Variants in CNNM1 observed in about 807,000 individuals in gnomAD.
The protein encoded by CNNM1 is metal transporter CNNM1.
A neutral mutation model predicts 78.8 loss-of-function variants in CNNM1; 44 were observed. That is an observed-to-expected ratio of 0.56 (90% confidence interval 0.44 to 0.72). The LOEUF is 0.72. CNNM1 is among the 30% of genes least tolerant of loss of function. CNNM1 has a pLI of 0.00. For missense variants in CNNM1, 1,101 were observed against 1,292.2 expected, an observed-to-expected ratio of 0.85 and a Z score of 2.27; for synonymous variants, 584 against 581.5, an observed-to-expected ratio of 1.00 and a Z score of -0.06.
intron 1 of CNNM1, among the ~76,000 whole-genome samples, chr10:99,343,768 G>C (rs1175557584): frequency 1.3e-5 from 2 of 152,012 alleles, no homozygotes; most frequent in Non-Finnish European, 2.9e-5. Context: ...AGGCTGGAGT[G>C]CCTTGGCATG....
chr10:99,374,351 C>G (rs935925523), intron 6 of CNNM1, among the ~76,000 whole-genome samples: 5 of 152,200 alleles, frequency 3.3e-5, no homozygotes, highest in African/African-American at 1.2e-4. Context: ...TTCAGGACCC[C>G]TTGTTTCACA....
At chr10:99,348,446 A>C (rs1270918103) in intron 1 of CNNM1, among the ~76,000 whole-genome samples, 1 of 152,234 alleles carries the variant, frequency 6.6e-6, no homozygotes, top group Non-Finnish European at 1.5e-5. Flanking sequence ...CATTGTGCTC[A>C]TTGCTGCATT....
rs910119956 is a variant in CNNM1 at position 99,356,605 on chromosome 10, A to G, written c.1574-907A>G. ...GAAAGAAAGAAAGAAAGAAAGAAAG[A>G]AAAGAAAGAAAGAAAGAAAAGAAAA... is the stretch of plus-strand genomic sequence containing the variant. On this transcript the variant is annotated intron_variant, in intron 1 of 10. Transcript: ENST00000356713. Among the ~76,000 whole-genome samples, 6 of 56,396 alleles carry G rather than the reference A, an allele frequency of 1.1e-4. No individual in the cohort carries two copies. In the South Asian group the frequency reaches 2.8e-3, roughly 26 times the overall value. The allele number at this position is 56,396 out of a possible 152,430, so 37.0% of individuals were successfully genotyped here.
intron 1 of CNNM1, among the ~76,000 whole-genome samples, chr10:99,345,781 C>T (rs1406856626): frequency 6.6e-6 from 1 of 152,186 alleles, no homozygotes; most frequent in Non-Finnish European, 1.5e-5. Flanking sequence ...AACCAGGGCT[C>T]AATTTTGGCT....
intron 2 of CNNM1, among the ~76,000 whole-genome samples, chr10:99,359,837 A>G (rs758011861): frequency 2.0e-5 from 3 of 151,376 alleles, no homozygotes; most frequent in Non-Finnish European, 4.4e-5. Flanking sequence ...CCCTTAGTGC[A>G]GGTAAGATGG....
At chr10:99,361,384 T>TTAG (rs2031428526) in intron 3 of CNNM1, among the ~76,000 whole-genome samples, 1 of 152,158 alleles carries the variant, frequency 6.6e-6, no homozygotes. Flanking sequence ...CTTGGGATCT[T>TTAG]TAGAAAGAAA....
chr10:99,385,652 T>A (rs1429502036), intron 7 of CNNM1, among the ~76,000 whole-genome samples: 3 of 152,236 alleles, frequency 2.0e-5, no homozygotes, highest in African/African-American at 7.2e-5. Flanking sequence ...ACTCATGTTA[T>A]CTCATTATCT....
At position 99,329,706 on chromosome 10, in the gene CNNM1, G is replaced by A; in HGVS notation, c.319G>A (p.Val107Met). ...CACCGGCGACTGGGCTCCGCGGCTC[G>A]TGTTCATCGAGGAGCCCCCGGGCGG... is the stretch of plus-strand genomic sequence containing the variant. Reference protein sequence around the residue: ...NGTGDWAPRLVFIEEPPGGGG... With the variant: ...NGTGDWAPRLMFIEEPPGGGG... Residue 107 changes from valine (V) to methionine (M), a missense_variant, in exon 1 of 11, where the codon GTG becomes ATG. By Grantham distance (21) the Val-to-Met change is conservative. Around this residue, in one of 3 missense-constraint regions of CNNM1, gnomAD observed 476 missense variants for 484.5 expected, o/e 0.98. Coordinates refer to ENST00000356713, the MANE Select transcript of CNNM1 (RefSeq NM_020348.3). 1 of 1,542,248 alleles carries A rather than the reference G, an allele frequency of 6.5e-7. No individual in the cohort carries two copies.
rs769091204 is a variant in CNNM1, at chr10:99,329,726, G to A, written c.339G>A (p.Pro113=). The A allele has an allele frequency of 4.6e-6, 7 of 1,518,320 alleles. No homozygotes were observed. The African/African-American group carries it at 5.7e-5, about 12-fold the overall frequency. The allele number at this position is 1,518,320 out of a possible 1,614,324, so 94.1% of individuals were successfully genotyped here. A position where few individuals can be genotyped will look rare whatever the true frequency, so the allele number is the denominator to read the frequency against. Residue 113 remains proline (P), a synonymous_variant, in exon 1 of 11, where the codon CCG becomes CCA. Transcript: ENST00000356713. The stretch of plus-strand genomic sequence containing the variant: ...GGCTCGTGTTCATCGAGGAGCCCCC[G>A]GGCGGTGGCGGCGTGGCCCCCAGCG... ...APRLVFIEEP[P]GGGGVAPSAV... is the part of the protein sequence containing the mutation.
intron 1 of CNNM1, among the ~76,000 whole-genome samples, chr10:99,345,561 T>C (rs2030654859): frequency 6.6e-6 from 1 of 152,204 alleles, no homozygotes; most frequent in African/African-American, 2.4e-5. Context: ...GACCTGAGAA[T>C]GACACCATCT....
At chr10:99,340,717 C>G (rs980159247) in intron 1 of CNNM1, among the ~76,000 whole-genome samples, 1 of 151,458 alleles carries the variant, frequency 6.6e-6, no homozygotes, top group African/African-American at 2.4e-5. Context: ...CTCTCTCTTC[C>G]CTCCTTCATT....
intron 6 of CNNM1, among the ~76,000 whole-genome samples, chr10:99,375,491 A>C (rs1269611879): frequency 6.6e-6 from 1 of 152,192 alleles, no homozygotes; most frequent in Non-Finnish European, 1.5e-5. Context: ...ACACTTACTG[A>C]GAAGGGGGAA....
intron 1 of CNNM1, among the ~76,000 whole-genome samples, chr10:99,355,203 C>T (rs1341475543): frequency 7.0e-6 from 1 of 143,074 alleles, no homozygotes; most frequent in Non-Finnish European, 1.5e-5. Flanking sequence ...CATGTTCTCA[C>T]TCATAGGTGG....
At chr10:99,331,699 A>G (rs2029924000) in intron 1 of CNNM1, among the ~76,000 whole-genome samples, 1 of 152,166 alleles carries the variant, frequency 6.6e-6, no homozygotes, top group Non-Finnish European at 1.5e-5. Flanking sequence ...ACCACTGTAC[A>G]AAAGAGCAAG....
At chr10:99,361,672 C>G (rs2031439350) in intron 3 of CNNM1, among the ~76,000 whole-genome samples, 1 of 152,110 alleles carries the variant, frequency 6.6e-6, no homozygotes, top group Admixed American at 6.5e-5. Flanking sequence ...CTTCCCAGAG[C>G]CTATGTTATA....
intron 1 of CNNM1, among the ~76,000 whole-genome samples, chr10:99,340,829 TTTTC>T (rs1197919129): frequency 6.8e-6 from 1 of 146,066 alleles, no homozygotes; most frequent in African/African-American, 2.6e-5. Context: ...TTTTCTTTTC[TTTTC>T]TTTCTCTTTC....
chr10:99,355,461 A>C (rs1156913167), intron 1 of CNNM1, among the ~76,000 whole-genome samples: 1 of 152,206 alleles, frequency 6.6e-6, no homozygotes, highest in Non-Finnish European at 1.5e-5. Flanking sequence ...ATAAAGCATG[A>C]ACTTGCTTTT....
In CNNM1 at chr10:99,387,996, C is replaced by A; in HGVS notation, c.2517C>A (p.Ser839Arg). The A allele has an allele frequency of 1.3e-6, 2 of 1,589,000 alleles. No individual in the cohort carries two copies. Among genetic ancestry groups the A allele is most frequent in the African/African-American group, 1.3e-5 (1 of 74,576 alleles). ...PAITLLNNRNSLPCSRSDGLR... is the reference protein window; with the variant it reads ...PAITLLNNRNRLPCSRSDGLR... Reference sequence around the variant, plus strand: ...TCACGCTCCTCAACAACAGGAACAGCCTGCCGTGTAAGTCAGCTGGGCAGA... The same window carrying A: ...TCACGCTCCTCAACAACAGGAACAGACTGCCGTGTAAGTCAGCTGGGCAGA... Residue 839 changes from serine to arginine, a missense_variant, in exon 8 of 11, where the codon AGC (serine) becomes AGA (arginine). Coordinates refer to ENST00000356713, the MANE Select transcript of CNNM1 (RefSeq NM_020348.3).
rs1200700259 is a variant in CNNM1, at chr10:99,329,640, G to A, written c.253G>A (p.Ala85Thr). The A allele has an allele frequency of 1.3e-6, 2 of 1,520,752 alleles. No homozygotes were observed. Among genetic ancestry groups the A allele is most frequent in the Non-Finnish European group, 1.8e-6 (2 of 1,142,778 alleles). 94.2% of individuals were successfully genotyped at this position (1,520,752 alleles called of 1,614,324 possible). A position where few individuals can be genotyped will look rare whatever the true frequency, so the allele number is the denominator to read the frequency against. The change falls in exon 1 of 11, where the codon GCA becomes ACA. Residue 85 changes from alanine (A) to threonine (T), a missense_variant. Coordinates refer to ENST00000356713, the MANE Select transcript of CNNM1 (RefSeq NM_020348.3). ...YFQPGPPATA[A>T]PVPSPTLNSG... ...CCAGCCAGGACCGCCGGCCACCGCC[G>A]CACCGGTGCCCTCACCGACCCTCAA...
Sources: allele counts gnomAD v4.1 joint callset (sites outside exome capture counted in the v4.1 genomes callset), GRCh38; gene constraint gnomAD v4.1.1; regional missense constraint gnomAD v4.1.1; transcripts MANE v1.5; gene names NCBI Gene and HGNC (gene_info 2026-07-23, HGNC 2026-07-21).